The following RAP1GAP2 variants were observed in gnomAD, a reference collection of about 807,000 sequenced individuals.
The protein encoded by RAP1GAP2 is rap1 GTPase-activating protein 2.
Under a neutral mutation model 95.0 loss-of-function variants are expected in RAP1GAP2, and 27 were observed. The observed-to-expected ratio is 0.28, with a 90% confidence interval of 0.21 to 0.39. RAP1GAP2 has a LOEUF of 0.39. RAP1GAP2 is among the 10% of genes least tolerant of loss of function. RAP1GAP2 has a pLI of 1.00. For synonymous variants in RAP1GAP2, 373 were observed against 380.9 expected, an observed-to-expected ratio of 0.98 and a Z score of 0.24; for missense variants, 771 against 970.0, an observed-to-expected ratio of 0.79 and a Z score of 2.72.
At chr17:2,800,413 C>T in intron 1 of RAP1GAP2, 102 bp from the exon 2 acceptor site, 1 of 1,433,454 alleles carries the variant, frequency 7.0e-7, no homozygotes, top group Non-Finnish European at 9.6e-7. Flanking sequence ...CAGAGCCCTG[C>T]TGTCTGGTGG....
At chr17:2,875,561 A>G (rs2073057734) in intron 2 of RAP1GAP2, among the ~76,000 whole-genome samples, 1 of 152,084 alleles carries the variant, frequency 6.6e-6, no homozygotes, top group Admixed American at 6.6e-5. Flanking sequence ...TCAAGAAGTG[A>G]TTACTTAGCT....
chr17:2,847,539 A>T (rs1386769562), intron 2 of RAP1GAP2, among the ~76,000 whole-genome samples: 3 of 152,164 alleles, frequency 2.0e-5, no homozygotes, highest in Non-Finnish European at 2.9e-5. Context: ...ATGTATAAGA[A>T]ACCACTCTGT....
At chr17:2,887,575 A>G (rs574337212) in intron 2 of RAP1GAP2, among the ~76,000 whole-genome samples, 4 of 151,004 alleles carry the variant, frequency 2.6e-5, no homozygotes, top group Non-Finnish European at 5.9e-5. Flanking sequence ...GGGTTTCACC[A>G]TGTTAGCCAG....
intron 3 of RAP1GAP2, among the ~76,000 whole-genome samples, chr17:2,927,216 C>G (rs920129267): frequency 7.9e-5 from 12 of 151,118 alleles, no homozygotes; most frequent in South Asian, 4.2e-4. Flanking sequence ...TGCAGTGGCG[C>G]GATCTCGGCT....
chr17:2,874,129 A>G (rs181544680), intron 2 of RAP1GAP2, among the ~76,000 whole-genome samples: 48 of 152,290 alleles, frequency 3.2e-4, no homozygotes, highest in Admixed American at 7.2e-4. Flanking sequence ...TGATTTCTCA[A>G]AGAATCAGTT....
chr17:2,758,685 C>T (rs1317706334), intron 1 of RAP1GAP2, among the ~76,000 whole-genome samples: 2 of 152,204 alleles, frequency 1.3e-5, no homozygotes, highest in African/African-American at 2.4e-5. Context: ...CTAGGACTTC[C>T]CACTGAGTCA....
Position 2,981,209 on chromosome 17 carries a change from T to C in RAP1GAP2, c.690T>C (p.Asp230=). 1 of 1,612,778 alleles carries C rather than the reference T, an allele frequency of 6.2e-7. No individual in the cohort carries two copies. Among genetic ancestry groups the C allele is most frequent in the South Asian group, 1.1e-5 (1 of 90,690 alleles). ...VPQIAKAFCD[D]AVGLRFNPVL... ...TCCCTTCTCAGGCTTTCTGTGATGA[T>C]GCAGTGGGACTGAGATTCAATCCTG... Residue 230 remains aspartate (D), a synonymous_variant, in exon 10 of 25, where the codon GAT becomes GAC. Transcript: ENST00000254695.
At chr17:2,951,991 G>A (rs8069163) in intron 3 of RAP1GAP2, among the ~76,000 whole-genome samples, 137,190 of 151,888 alleles carry the variant, frequency 0.9, 63,188 homozygotes, top group Non-Finnish European at 1. Context: ...CCAAGATTGC[G>A]CCACTGCACT....
At chr17:2,911,712 G>GGGGGGGGGGGGGGGGT (rs763105935) in intron 3 of RAP1GAP2, among the ~76,000 whole-genome samples, 1 of 138,326 alleles carries the variant, frequency 7.2e-6, no homozygotes, top group Non-Finnish European at 1.6e-5. Context: ...GGCGGGGTGG[G>GGGGGGGGGGGGGGGGT]GCAGCCGGAA....
intron 2 of RAP1GAP2, among the ~76,000 whole-genome samples, chr17:2,878,661 C>T (rs754385007): frequency 2.7e-4 from 41 of 152,218 alleles, no homozygotes; most frequent in Non-Finnish European, 5.3e-4. Flanking sequence ...GGAGCCTCTC[C>T]CCTGAAGGAG....
At chr17:3,015,727 G>C (rs559439624) in intron 17 of RAP1GAP2, among the ~76,000 whole-genome samples, 2 of 152,248 alleles carry the variant, frequency 1.3e-5, no homozygotes, top group South Asian at 2.1e-4. Flanking sequence ...TGAGGCAGGA[G>C]AATCTCTTGA....
Position 2,849,355 on chromosome 17 carries a change from G to T in RAP1GAP2, c.80+48805G>T, listed in dbSNP as rs192025338. Among the ~76,000 whole-genome samples, 552 of 152,336 alleles carry T rather than the reference G, an allele frequency of 3.6e-3. 3 individuals are homozygous for T. Among genetic ancestry groups the T allele is most frequent in the African/African-American group, 0.013 (525 of 41,578 alleles). Reference sequence around the variant, plus strand: ...GTGGGGCGCTGGGAGTTGGTGGCTGGGTGGGGCGACGAGGTGGCGTCTGCT... The same window carrying T: ...GTGGGGCGCTGGGAGTTGGTGGCTGTGTGGGGCGACGAGGTGGCGTCTGCT... On this transcript the variant is annotated intron_variant, in intron 2 of 24. Coordinates refer to ENST00000254695, the MANE Select transcript of RAP1GAP2 (RefSeq NM_015085.5).
At chr17:2,872,532 A>C (rs1374458939) in intron 2 of RAP1GAP2, among the ~76,000 whole-genome samples, 3 of 152,134 alleles carry the variant, frequency 2.0e-5, no homozygotes, top group African/African-American at 4.8e-5. Context: ...GAAGTGGCTT[A>C]ACTGGAAAGT....
chr17:3,019,889 T>A (rs935902194), intron 18 of RAP1GAP2, among the ~76,000 whole-genome samples: 2 of 152,230 alleles, frequency 1.3e-5, no homozygotes, highest in African/African-American at 4.8e-5. Context: ...CCACTCATTG[T>A]CCACTGTGAG....
At chr17:3,009,344 C>T (rs2046437018) in intron 17 of RAP1GAP2, among the ~76,000 whole-genome samples, 1 of 152,202 alleles carries the variant, frequency 6.6e-6, no homozygotes. Context: ...TCACAACTGC[C>T]CTCAGTGCCC....
upstream of RAP1GAP2, among the ~76,000 whole-genome samples, chr17:2,773,058 A>C (rs1229976102): frequency 6.6e-6 from 1 of 151,954 alleles, no homozygotes; most frequent in South Asian, 2.1e-4. Flanking sequence ...GGGTTTCACT[A>C]TGTTGGCTAG....
At chr17:2,791,861 T>C (rs1287296611), upstream of RAP1GAP2, among the ~76,000 whole-genome samples, 26 of 147,958 alleles carry the variant, frequency 1.8e-4, no homozygotes, top group African/African-American at 5.7e-4. Context: ...TTCTCTCTTT[T>C]TTTTTTTTTT....
In RAP1GAP2 at chr17:2,843,734, A is replaced by G. The variant is rs570221223; in HGVS notation, c.80+43184A>G. 2.4e-3 allele frequency among the ~76,000 whole-genome samples: 361 copies of G among 152,264 alleles called. 1 individual carries two copies. Among genetic ancestry groups the G allele is most frequent in the African/African-American group, 8.1e-3 (335 of 41,548 alleles). On this transcript the variant is annotated intron_variant, in intron 2 of 24. Coordinates refer to ENST00000254695, the MANE Select transcript of RAP1GAP2 (RefSeq NM_015085.5). ...ACAAGAGCTTCGCCTTCCCAGAGTC[A>G]TGCTGAGTGTACTTCTTATTGCTGA...
intron 2 of RAP1GAP2, among the ~76,000 whole-genome samples, chr17:2,838,620 C>G (rs1253844848): frequency 6.6e-6 from 1 of 152,148 alleles, no homozygotes; most frequent in Non-Finnish European, 1.5e-5. Context: ...TTTGCTCATT[C>G]TCCGAGCTCC....
Sources: gnomAD v4.1 joint callset for allele counts (sites outside exome capture counted in the v4.1 genomes callset) on GRCh38, gnomAD v4.1.1 for gene constraint, MANE v1.5 for transcripts, NCBI Gene and HGNC (gene_info 2026-07-23, HGNC 2026-07-21) for gene names.